PRKN: variants seen among roughly 807,000 people sequenced by gnomAD.
PRKN encodes the protein E3 ubiquitin-protein ligase parkin.
A neutral mutation model predicts 59.5 loss-of-function variants in PRKN; 56 were observed. The ratio of observed to expected loss-of-function variants is 0.94; its 90% CI spans 0.76 to 1.18. PRKN has a LOEUF of 1.18. Ranked by LOEUF, PRKN falls within the 50% of genes most tolerant of loss-of-function variation. The pLI is 0.00. For missense variants in PRKN, 657 were observed against 596.4 expected, an observed-to-expected ratio of 1.10 and a Z score of -1.06; for synonymous variants, 250 against 222.1, an observed-to-expected ratio of 1.13 and a Z score of -1.12.
Position 162,019,892 on chromosome 6 carries a change from G to A in PRKN, c.618+34199C>T, listed in dbSNP as rs558542951. 1.4e-4 allele frequency among the ~76,000 whole-genome samples: 22 copies of A among 152,146 alleles called. No homozygotes were observed. The East Asian group carries it at 1.7e-3, about 12-fold the overall frequency. On this transcript the variant is annotated intron_variant, in intron 5 of 11. Coordinates refer to ENST00000366898, the MANE Select transcript of PRKN (RefSeq NM_004562.3). ...AAATTAGCCTGGTGTGGTGGCGGGCGCCTGTAATCCCAGCTACTCAGGAGG... is the reference window on the plus strand; with the variant it reads ...AAATTAGCCTGGTGTGGTGGCGGGCACCTGTAATCCCAGCTACTCAGGAGG...
intron 2 of PRKN, among the ~76,000 whole-genome samples, chr6:162,436,520 C>T (rs1789779959): frequency 6.6e-6 from 1 of 151,588 alleles, no homozygotes; most frequent in Non-Finnish European, 1.5e-5. Flanking sequence ...CCATGTTGGT[C>T]AAGCTGGTGT....
intron 9 of PRKN, among the ~76,000 whole-genome samples, chr6:161,455,479 C>T (rs1451194840): frequency 6.6e-5 from 10 of 152,138 alleles, no homozygotes; most frequent in Non-Finnish European, 7.3e-5. Flanking sequence ...ATGAAAGCAT[C>T]CTAATCATTC....
intron 1 of PRKN, among the ~76,000 whole-genome samples, chr6:162,511,055 T>C (rs2128190396): frequency 6.6e-6 from 1 of 152,306 alleles, no homozygotes; most frequent in Non-Finnish European, 1.5e-5. Flanking sequence ...CAACCATTTA[T>C]AAAGACCAAT....
Position 161,388,800 on chromosome 6 carries a change from C to G in PRKN, c.1084-1923G>C, listed in dbSNP as rs1050798761. Among the ~76,000 whole-genome samples, 1 of 152,206 alleles carries G rather than the reference C, an allele frequency of 6.6e-6. No homozygotes were observed. The highest frequency in any genetic ancestry group is 2.4e-5 in the African/African-American group (1 of 41,450). On this transcript the variant is annotated intron_variant, in intron 9 of 11. Coordinates refer to ENST00000366898, the MANE Select transcript of PRKN (RefSeq NM_004562.3). The surrounding 1 kb of genome is among the most constrained non-coding windows in gnomAD (Gnocchi z 4.3). ...CCCACATGGAGAAGAGCTGCGGCCT[C>G]AGCCGCAACAATAGCCCTGTCTGAG...
intron 1 of PRKN, among the ~76,000 whole-genome samples, chr6:162,512,746 T>A (rs111833643): frequency 6.6e-6 from 1 of 152,166 alleles, no homozygotes; most frequent in African/African-American, 2.4e-5. Context: ...GCTTGCTAAT[T>A]CCTAGCTACA....
chr6:161,860,176 G>A (rs1273095695), intron 6 of PRKN, among the ~76,000 whole-genome samples: 6 of 152,166 alleles, frequency 3.9e-5, no homozygotes, highest in Admixed American at 6.5e-5. Flanking sequence ...GGAAGTAAGC[G>A]AAAAGACAGA....
chr6:162,534,427 T>G (rs34749438), intron 1 of PRKN, among the ~76,000 whole-genome samples: 12,834 of 152,188 alleles, frequency 0.084, 700 homozygotes, highest in South Asian at 0.18. Context: ...CTGTGCCTCT[T>G]TACGGTAGTT....
chr6:161,860,494 C>G (rs556320947), intron 6 of PRKN, among the ~76,000 whole-genome samples: 4 of 152,306 alleles, frequency 2.6e-5, no homozygotes, highest in African/African-American at 9.6e-5. Context: ...TTTTCTAAAA[C>G]AACTCATTGG....
intron 2 of PRKN, among the ~76,000 whole-genome samples, chr6:162,412,270 T>TA (rs1788388571): frequency 1.3e-5 from 2 of 152,114 alleles, no homozygotes; most frequent in African/African-American, 4.8e-5. Context: ...GTTTGTGTCA[T>TA]ATCCTACCGT....
At chr6:161,979,914 A>C (rs181513647) in intron 5 of PRKN, among the ~76,000 whole-genome samples, 1 of 152,378 alleles carries the variant, frequency 6.6e-6, no homozygotes, top group Admixed American at 6.5e-5. Flanking sequence ...AACTAGAGCA[A>C]GAAGAATGGA....
chr6:161,889,866 A>AT (rs555070158), intron 6 of PRKN, among the ~76,000 whole-genome samples: 2 of 152,296 alleles, frequency 1.3e-5, no homozygotes, highest in South Asian at 2.1e-4. Context: ...ATTATCTGTA[A>AT]TTTTTTTAAT....
chr6:162,011,494 A>G lies in PRKN; in HGVS notation c.619-38077T>C, dbSNP rs78998609. ...ATATATAATATATTATAATATATAT[A>G]ATATATATTTATTATATATATATTA... On this transcript the variant is annotated intron_variant, in intron 5 of 11. Coordinates refer to ENST00000366898, the MANE Select transcript of PRKN (RefSeq NM_004562.3). Among the ~76,000 whole-genome samples, 42 of 15,810 alleles carry G rather than the reference A, an allele frequency of 2.7e-3. 10 individuals are homozygous for G. Among genetic ancestry groups the G allele is most frequent in the Admixed American group, 0.01 (6 of 594 alleles). The allele number at this position is 15,810 out of a possible 152,430, so 10.4% of individuals were successfully genotyped here. A position where few individuals can be genotyped will look rare whatever the true frequency, so the allele number is the denominator to read the frequency against.
At chr6:162,651,752 G>A (rs1490295855) in intron 1 of PRKN, among the ~76,000 whole-genome samples, 1 of 152,108 alleles carries the variant, frequency 6.6e-6, no homozygotes, top group Non-Finnish European at 1.5e-5. Context: ...GCAACTTTAG[G>A]CAGTGCTGGT....
rs1476819665 is a variant in PRKN at position 161,467,130 on chromosome 6, C to T, written c.1084-80253G>A. On this transcript the variant is annotated intron_variant, in intron 9 of 11. Transcript: ENST00000366898. This position sits in a 1 kb window ranked among gnomAD's most constrained non-coding sequence, Gnocchi z 4.3. Reference sequence around the variant, plus strand: ...TCTCTCATTACTGCTCATCAGTGTCCTGCTGCTGGGGGAGCCATTTGTGCT... The same window carrying T: ...TCTCTCATTACTGCTCATCAGTGTCTTGCTGCTGGGGGAGCCATTTGTGCT... Among the ~76,000 whole-genome samples, 1 of 152,194 alleles carries T rather than the reference C, an allele frequency of 6.6e-6. No homozygotes were observed.
intron 3 of PRKN, among the ~76,000 whole-genome samples, chr6:162,228,686 T>C (rs1778291824): frequency 6.6e-6 from 1 of 152,162 alleles, no homozygotes; most frequent in Non-Finnish European, 1.5e-5. Context: ...TTATTAAAAA[T>C]CTTCACTTTA....
chr6:161,596,619 C>T (rs1285576752), intron 7 of PRKN, among the ~76,000 whole-genome samples: 1 of 152,078 alleles, frequency 6.6e-6, no homozygotes, highest in South Asian at 2.1e-4. Flanking sequence ...GAACATTTAG[C>T]ACACACAAAA....
At chr6:162,429,242 T>C (rs1314048272) in intron 2 of PRKN, among the ~76,000 whole-genome samples, 1 of 152,136 alleles carries the variant, frequency 6.6e-6, no homozygotes. Context: ...CTTCTATCCT[T>C]CTGCCCTGTC....
intron 1 of PRKN, among the ~76,000 whole-genome samples, chr6:162,560,725 C>A (rs1779798016): frequency 6.6e-6 from 1 of 151,608 alleles, no homozygotes; most frequent in Non-Finnish European, 1.5e-5. Flanking sequence ...CAAAATGTGG[C>A]AAAAATATCC....
At chr6:161,717,799 G>C (rs551452327) in intron 7 of PRKN, among the ~76,000 whole-genome samples, 1 of 152,288 alleles carries the variant, frequency 6.6e-6, no homozygotes, top group African/African-American at 2.4e-5. Flanking sequence ...CGCCCGCGAG[G>C]GGTGGGACTT....
Sources: gnomAD v4.1 joint callset for allele counts (sites outside exome capture counted in the v4.1 genomes callset) on GRCh38, gnomAD v4.1.1 for gene constraint, Gnocchi (gnomAD v3.1) non-coding constraint, MANE v1.5 for transcripts, NCBI Gene and HGNC (gene_info 2026-07-23, HGNC 2026-07-21) for gene names.